Variants in PRKAR1A observed in about 807,000 individuals in gnomAD.
PRKAR1A encodes cAMP-dependent protein kinase type I-alpha regulatory subunit.
In PRKAR1A, 3 loss-of-function variants were observed where a neutral mutation model predicts 52.0. The observed-to-expected ratio is 0.06, with a 90% CI of 0.03 to 0.15. The LOEUF is 0.15. PRKAR1A is among the 10% of genes least tolerant of loss of function. The probability of loss-of-function intolerance (pLI) is 1.00; values close to 1 mark genes in which losing one functional copy is unlikely to be tolerated. For missense variants in PRKAR1A, 240 were observed against 477.4 expected (o/e 0.50, Z 4.63); for synonymous variants, 188 against 168.4 (o/e 1.12, Z -0.90).
intron 11 of PRKAR1A, chr17:68,541,960 C>T (rs767747464): frequency 1.1e-5 from 17 of 1,607,432 alleles, no homozygotes; most frequent in Middle Eastern, 1.8e-4. Context: ...AAGGACTGGG[C>T]TGTGTGGCCT....
chr17:68,422,731 C>CAAAAAAA, the PRKAR1A span: 1 of 66,432 alleles, frequency 1.5e-5, no homozygotes, highest in Non-Finnish European at 2.6e-5. Context: ...TCTATCATCT[C>CAAAAAAA]AAAAAAAAAA....
chr17:68,546,719 A>T (rs2086585182), intron 11 of PRKAR1A, among the ~76,000 whole-genome samples: 1 of 151,390 alleles, frequency 6.6e-6, no homozygotes, highest in African/African-American at 2.4e-5. Flanking sequence ...AGTCCCAGCC[A>T]CTCGGGAGGC....
chr17:68,524,955 G>A lies in PRKAR1A; in HGVS notation c.546G>A (p.Thr182=), dbSNP rs117639566. 2.3e-4 allele frequency: 373 copies of A among 1,607,116 alleles called. 4 individuals are homozygous for A. In the East Asian group the frequency reaches 7.5e-3, roughly 33 times the overall value. Residue 182 remains threonine (T), a synonymous_variant, in exon 6 of 11, where the codon ACG becomes ACA. Coordinates refer to ENST00000589228, the MANE Select transcript of PRKAR1A (RefSeq NM_002734.5). ...DNFYVIDQGE[T]DVYVNNEWAT... is the part of the protein sequence containing the mutation. ...TCTATGTGATTGATCAAGGAGAGAC[G>A]GATGTAAGATTTACCAATATCAAAA... is the stretch of plus-strand genomic sequence containing the variant.
chr17:68,437,947 TTAAAAAA>T, the PRKAR1A span, among the ~76,000 whole-genome samples: 8 of 58,784 alleles, frequency 1.4e-4, no homozygotes, highest in Admixed American at 4.4e-4. Flanking sequence ...GACATCTCTC[TTAAAAAA>T]AAAAAAAAAA....
rs963816396 is a variant in PRKAR1A at position 68,532,471 on chromosome 17, A to T, written c.*2022A>T. The stretch of plus-strand genomic sequence containing the variant: ...AAAACTTTAAAGATAAGTCTACATT[A>T]AACAATGATCACATCTAAAGCTTTA... On this transcript the variant is annotated 3_prime_UTR_variant, in exon 11 of 11. Coordinates refer to ENST00000589228, the MANE Select transcript of PRKAR1A (RefSeq NM_002734.5). 1.2e-5 allele frequency: 13 copies of T among 1,061,186 alleles called. No individual in the cohort carries two copies. The highest frequency in any genetic ancestry group is 1.5e-5 in the Non-Finnish European group (13 of 875,364). The allele number at this position is 1,061,186 out of a possible 1,614,324, so 65.7% of individuals were successfully genotyped here. A position where few individuals can be genotyped will look rare whatever the true frequency, so the allele number is the denominator to read the frequency against.
chr17:68,519,933 A>T (rs2085553131), intron 2 of PRKAR1A, among the ~76,000 whole-genome samples: 1 of 152,222 alleles, frequency 6.6e-6, no homozygotes, highest in African/African-American at 2.4e-5. Context: ...GAAATTAAGT[A>T]ATGTGGCTGT....
At chr17:68,537,655 TC>T (rs762205955), downstream of PRKAR1A, 9 of 1,613,716 alleles carry the variant, frequency 5.6e-6, no homozygotes, top group African/African-American at 6.7e-5. This position sits in a 1 kb window ranked among gnomAD's most constrained non-coding sequence, Gnocchi z 4.2. Context: ...GAGCTGGTCT[TC>T]CAGCAGTGAT....
At chr17:68,467,652 G>A in the PRKAR1A span, among the ~76,000 whole-genome samples, 10 of 152,172 alleles carry the variant, frequency 6.6e-5, no homozygotes, top group African/African-American at 2.4e-4. Context: ...TTTCAACACA[G>A]AGCTCTCTCT....
chr17:68,466,853 G>A, the PRKAR1A span, among the ~76,000 whole-genome samples: 30 of 152,192 alleles, frequency 2.0e-4, no homozygotes, highest in South Asian at 1.2e-3. Context: ...ATCCACCTCC[G>A]TTATCTGGTT....
At chr17:68,508,258 A>G (rs370331919), upstream of PRKAR1A, among the ~76,000 whole-genome samples, 14 of 152,358 alleles carry the variant, frequency 9.2e-5, no homozygotes, top group East Asian at 2.1e-3. Context: ...CACTATTCAC[A>G]ATAGCAAAGA....
At chr17:68,477,340 T>C in the PRKAR1A span, among the ~76,000 whole-genome samples, 1 of 152,222 alleles carries the variant, frequency 6.6e-6, no homozygotes, top group South Asian at 2.1e-4. Context: ...ATCATTATCA[T>C]GTAAATTTTA....
intron 11 of PRKAR1A, chr17:68,543,809 G>A: frequency 8.6e-7 from 1 of 1,162,962 alleles, no homozygotes; most frequent in Non-Finnish European, 1.3e-6. Flanking sequence ...AGCGAGAAAG[G>A]AAAACGGGCT....
At chr17:68,546,149 A>G (rs1357027967) in intron 11 of PRKAR1A, among the ~76,000 whole-genome samples, 1 of 133,180 alleles carries the variant, frequency 7.5e-6, no homozygotes, top group African/African-American at 3.0e-5. Context: ...AGCCTGAGCA[A>G]CAGAGCGAGA....
At chr17:68,513,917 A>G (rs944819089) in intron 1 of PRKAR1A, among the ~76,000 whole-genome samples, 1 of 152,246 alleles carries the variant, frequency 6.6e-6, no homozygotes, top group Non-Finnish European at 1.5e-5. Flanking sequence ...GCTTTGAAGC[A>G]TGAAAGATCT....
At chr17:68,537,430 C>T (rs2086125759), downstream of PRKAR1A, 4 of 1,612,788 alleles carry the variant, frequency 2.5e-6, no homozygotes, top group Non-Finnish European at 3.4e-6. The surrounding 1 kb of genome is among the most constrained non-coding windows in gnomAD (Gnocchi z 4.2). Context: ...CTCGAGTCGA[C>T]TGCTCTGGCT....
intron 11 of PRKAR1A, chr17:68,542,885 T>C (rs149917082): frequency 1.7e-6 from 2 of 1,149,934 alleles, no homozygotes; most frequent in Admixed American, 1.7e-5. Flanking sequence ...CCCCGGCCAG[T>C]GCACATTAGG....
the PRKAR1A span, chr17:68,440,737 A>C: frequency 6.6e-6 from 1 of 152,214 alleles, no homozygotes; most frequent in South Asian, 2.1e-4. Context: ...TCAAGAACCA[A>C]TGGCATCATC....
At chr17:68,469,311 A>G in the PRKAR1A span, among the ~76,000 whole-genome samples, 1 of 152,048 alleles carries the variant, frequency 6.6e-6, no homozygotes, top group Non-Finnish European at 1.5e-5. Context: ...ACAACCACAT[A>G]GCTCAATTTC....
intron 11 of PRKAR1A, among the ~76,000 whole-genome samples, chr17:68,544,869 T>A (rs1252044802): frequency 8.5e-5 from 13 of 152,180 alleles, no homozygotes; most frequent in Admixed American, 8.5e-4. Context: ...CTAAAACATT[T>A]TCTCATTTTT....
Sources: allele counts gnomAD v4.1 joint callset (sites outside exome capture counted in the v4.1 genomes callset), GRCh38; gene constraint gnomAD v4.1.1; non-coding constraint Gnocchi (gnomAD v3.1); transcripts MANE v1.5; gene names NCBI Gene and HGNC (gene_info 2026-07-23, HGNC 2026-07-21).